CHST11: variants seen among roughly 807,000 people sequenced by gnomAD.
The protein encoded by CHST11 is carbohydrate sulfotransferase 11.
A neutral mutation model predicts 30.4 loss-of-function variants in CHST11; 9 were observed. The observed-to-expected ratio is 0.30, with a 90% CI of 0.18 to 0.52. The LOEUF (loss-of-function observed/expected upper bound fraction) is 0.52. Among genes scored for constraint, CHST11 ranks in the 20% least tolerant of loss-of-function variants. The pLI, the probability that CHST11 is intolerant of heterozygous loss-of-function variation, is 0.97. For missense variants in CHST11, 348 were observed against 460.6 expected, an observed-to-expected ratio of 0.76 and a Z score of 2.24; for synonymous variants, 152 against 187.8, an observed-to-expected ratio of 0.81 and a Z score of 1.56.
chr12:104,662,889 G>A (rs544469886), intron 2 of CHST11, among the ~76,000 whole-genome samples: 11 of 152,230 alleles, frequency 7.2e-5, no homozygotes, highest in African/African-American at 1.9e-4. Flanking sequence ...ACTGACCTCC[G>A]TGAAGGAATT....
intron 2 of CHST11, among the ~76,000 whole-genome samples, chr12:104,714,566 A>G (rs372632928): frequency 5.1e-5 from 6 of 118,810 alleles, no homozygotes; most frequent in South Asian, 2.6e-4. Context: ...GATGATGATG[A>G]TGATGATGAT....
intron 1 of CHST11, among the ~76,000 whole-genome samples, chr12:104,589,108 A>G (rs1353715930): frequency 1.3e-5 from 2 of 152,076 alleles, no homozygotes; most frequent in Non-Finnish European, 2.9e-5. Context: ...TACTTAGAAT[A>G]TTCTAATTCA....
At chr12:104,462,977 G>C (rs578124726) in intron 1 of CHST11, among the ~76,000 whole-genome samples, 3 of 152,290 alleles carry the variant, frequency 2.0e-5, no homozygotes, top group South Asian at 4.1e-4. Flanking sequence ...CCACAGAAAG[G>C]GTGGTTTGGG....
chr12:104,756,938 C>T lies in CHST11; in HGVS notation c.205-11C>T, dbSNP rs773914052. The T allele has an allele frequency of 9.3e-6, 15 of 1,605,392 alleles. No individual in the cohort carries two copies. The highest frequency in any genetic ancestry group is 1.2e-5 in the Non-Finnish European group (14 of 1,175,276). On this transcript the variant is annotated splice_polypyrimidine_tract_variant and intron_variant, in intron 2 of 2. Transcript: ENST00000303694. ...TACTGAGTTCTTATTCGTCTTGTGT[C>T]TCCTCTGCAGCTGGAGCTCTCAAAC... is the stretch of plus-strand genomic sequence containing the variant.
At chr12:104,623,267 T>TA (rs1391059872) in intron 2 of CHST11, among the ~76,000 whole-genome samples, 3 of 152,202 alleles carry the variant, frequency 2.0e-5, no homozygotes, top group Non-Finnish European at 2.9e-5. Flanking sequence ...GTCAGGCCCT[T>TA]AGCCTCTAAA....
intron 1 of CHST11, chr12:104,551,926 C>T (rs989500889): frequency 6.6e-6 from 1 of 152,338 alleles, no homozygotes; most frequent in African/African-American, 2.4e-5. Flanking sequence ...GACACCTTCT[C>T]TGCTGTCTGG....
intron 1 of CHST11, among the ~76,000 whole-genome samples, chr12:104,472,539 C>T (rs1008652336): frequency 6.6e-6 from 1 of 152,180 alleles, no homozygotes; most frequent in Admixed American, 6.5e-5. Flanking sequence ...GCAACTGTTA[C>T]TAGCTCCATT....
At chr12:104,566,565 C>T (rs536935236) in intron 1 of CHST11, among the ~76,000 whole-genome samples, 19 of 152,160 alleles carry the variant, frequency 1.2e-4, no homozygotes, top group Non-Finnish European at 2.1e-4. Flanking sequence ...GGGGTGTGCT[C>T]TCAGGGATTG....
At chr12:104,756,731 G>A (rs2040479331) in intron 2 of CHST11, among the ~76,000 whole-genome samples, 1 of 151,996 alleles carries the variant, frequency 6.6e-6, no homozygotes, top group Admixed American at 6.6e-5. Flanking sequence ...AGTTTTTTTA[G>A]AGATGAGGTC....
chr12:104,638,908 A>G (rs766471726), intron 2 of CHST11, among the ~76,000 whole-genome samples: 6 of 152,216 alleles, frequency 3.9e-5, no homozygotes, highest in Non-Finnish European at 5.9e-5. Context: ...ACAAATCCCA[A>G]ATACCAGTGG....
intron 1 of CHST11, among the ~76,000 whole-genome samples, chr12:104,561,028 G>C (rs1388229739): frequency 6.6e-6 from 1 of 152,222 alleles, no homozygotes; most frequent in African/African-American, 2.4e-5. Flanking sequence ...GCTTGGCTTA[G>C]ACTAGTCACT....
intron 1 of CHST11, among the ~76,000 whole-genome samples, chr12:104,496,947 T>C (rs911342062): frequency 6.6e-6 from 1 of 152,132 alleles, no homozygotes; most frequent in East Asian, 1.9e-4. Flanking sequence ...TCTGCAGTTA[T>C]GATTGTGGAT....
chr12:104,468,032 A>G (rs1013822594), intron 1 of CHST11, among the ~76,000 whole-genome samples: 4 of 152,204 alleles, frequency 2.6e-5, no homozygotes, highest in Admixed American at 6.5e-5. Flanking sequence ...GTGAAAATCC[A>G]TGTCCTCATG....
intron 2 of CHST11, among the ~76,000 whole-genome samples, chr12:104,714,478 G>A (rs1248545210): frequency 1.3e-5 from 2 of 152,216 alleles, no homozygotes; most frequent in Admixed American, 6.5e-5. Flanking sequence ...GAAGCCTGAT[G>A]GATGGGAAAG....
At chr12:104,723,279 A>G (rs1207359904) in intron 2 of CHST11, among the ~76,000 whole-genome samples, 1 of 152,192 alleles carries the variant, frequency 6.6e-6, no homozygotes, top group Non-Finnish European at 1.5e-5. Flanking sequence ...AAAATCGCTG[A>G]TGAGAAAACA....
At chr12:104,490,037 C>T (rs1165163510) in intron 1 of CHST11, among the ~76,000 whole-genome samples, 5 of 152,210 alleles carry the variant, frequency 3.3e-5, no homozygotes, top group Admixed American at 6.5e-5. Flanking sequence ...CTGAGGCTCT[C>T]TTTGCATGGA....
intron 1 of CHST11, among the ~76,000 whole-genome samples, chr12:104,590,132 C>G (rs534366370): frequency 6.6e-6 from 1 of 152,326 alleles, no homozygotes; most frequent in East Asian, 1.9e-4. Context: ...CCTCGTTGGC[C>G]CCATCTGGCA....
intron 2 of CHST11, among the ~76,000 whole-genome samples, chr12:104,693,728 G>A (rs2039919540): frequency 6.6e-6 from 1 of 152,212 alleles, no homozygotes; most frequent in Admixed American, 6.5e-5. Context: ...CGACAACTAA[G>A]ATGAGATTGA....
chr12:104,461,820 G>A (rs2037410561), intron 1 of CHST11, among the ~76,000 whole-genome samples: 2 of 152,096 alleles, frequency 1.3e-5, no homozygotes, highest in Non-Finnish European at 2.9e-5. Context: ...AATGCATTTT[G>A]TATTATAATT....
Sources: gnomAD v4.1 joint callset for allele counts (sites outside exome capture counted in the v4.1 genomes callset) on GRCh38, gnomAD v4.1.1 for gene constraint, MANE v1.5 for transcripts, NCBI Gene and HGNC (gene_info 2026-07-23, HGNC 2026-07-21) for gene names.